Variants in ERCC6L2 observed in about 807,000 individuals in gnomAD.
ERCC6L2 encodes DNA excision repair protein ERCC-6-like 2.
In ERCC6L2, 77 loss-of-function variants were observed where a neutral mutation model predicts 132.0. The observed-to-expected ratio is 0.58, with a 90% CI of 0.49 to 0.71. ERCC6L2 has a LOEUF of 0.71. ERCC6L2 is among the 30% of genes least tolerant of loss of function. The pLI, the probability that ERCC6L2 is intolerant of heterozygous loss-of-function variation, is 0.00. For missense variants in ERCC6L2, 1,542 were observed against 1,837.6 expected, an observed-to-expected ratio of 0.84 and a Z score of 2.94; for synonymous variants, 583 against 632.4, an observed-to-expected ratio of 0.92 and a Z score of 1.17.
chr9:96,039,715 A>C (rs1355186910), intron 20 of ERCC6L2, among the ~76,000 whole-genome samples: 1 of 152,130 alleles, frequency 6.6e-6, no homozygotes, highest in Non-Finnish European at 1.5e-5. Flanking sequence ...CTGCCTGTAA[A>C]CACCCAAGAG....
intron 19 of ERCC6L2, among the ~76,000 whole-genome samples, chr9:96,034,815 T>A (rs1834501507): frequency 6.6e-6 from 1 of 151,906 alleles, no homozygotes; most frequent in South Asian, 2.1e-4. Flanking sequence ...CCCGAGCCTC[T>A]CTGTGCTCTT....
intron 17 of ERCC6L2, among the ~76,000 whole-genome samples, chr9:95,987,724 T>C (rs1833148426): frequency 6.6e-6 from 1 of 152,144 alleles, no homozygotes; most frequent in Admixed American, 6.6e-5. Context: ...ATGGTGGCCC[T>C]CTTCTCACAC....
intron 17 of ERCC6L2, among the ~76,000 whole-genome samples, chr9:95,982,970 C>T (rs7039115): frequency 0.013 from 1,907 of 152,208 alleles, 27 homozygotes; most frequent in Middle Eastern, 0.041. Context: ...GATTCATGCA[C>T]TAATGTAACT....
chr9:95,972,107 G>A lies in ERCC6L2; in HGVS notation c.2356G>A (p.Gly786Arg), dbSNP rs1423393504. ...TTCAAGTAAAGCTTCCAGCTCTCCA[G>A]GACAGCTTACCTTACTCCAGTGTGG... Reference protein sequence around the residue: ...PDSSKASSSPGQLTLLQCGFS... With the variant: ...PDSSKASSSPRQLTLLQCGFS... The change falls in exon 16 of 19, where the codon GGA (glycine) becomes AGA (arginine). Residue 786 changes from glycine (G) to arginine (R), a missense_variant. Transcript: ENST00000653738. The A allele has an allele frequency of 7.7e-7, 1 of 1,304,242 alleles. No homozygotes were observed. The highest frequency in any genetic ancestry group is 1.5e-5 in the African/African-American group (1 of 65,980). The allele number at this position is 1,304,242 out of a possible 1,614,324, so 80.8% of individuals were successfully genotyped here.
chr9:95,937,262 C>T (rs1830599205), intron 11 of ERCC6L2, among the ~76,000 whole-genome samples: 1 of 152,140 alleles, frequency 6.6e-6, no homozygotes, highest in African/African-American at 2.4e-5. Flanking sequence ...GATCAGGTTC[C>T]TCTGCATTTT....
chr9:96,006,944 A>G (rs1833882849), intron 18 of ERCC6L2, among the ~76,000 whole-genome samples: 1 of 152,214 alleles, frequency 6.6e-6, no homozygotes, highest in African/African-American at 2.4e-5. Context: ...TCTGTCCAGT[A>G]TGCACATTTT....
chr9:95,957,585 G>T (rs1434381475), intron 13 of ERCC6L2, among the ~76,000 whole-genome samples: 1 of 151,792 alleles, frequency 6.6e-6, no homozygotes, highest in East Asian at 1.9e-4. Context: ...ATTTTTTTCA[G>T]TCCATTACTA....
At chr9:95,975,819 T>C (rs1286162130) in intron 16 of ERCC6L2, among the ~76,000 whole-genome samples, 1 of 152,138 alleles carries the variant, frequency 6.6e-6, no homozygotes, top group Non-Finnish European at 1.5e-5. Flanking sequence ...TTAAGGCTTA[T>C]CTGTTGTGTT....
chr9:96,036,512 C>T (rs1019605580), intron 19 of ERCC6L2, among the ~76,000 whole-genome samples: 1 of 152,158 alleles, frequency 6.6e-6, no homozygotes, highest in African/African-American at 2.4e-5. Context: ...CGCCTGCTTG[C>T]CATGCCTTGG....
chr9:96,003,810 G>C (rs1422492323), intron 17 of ERCC6L2, among the ~76,000 whole-genome samples: 1 of 152,130 alleles, frequency 6.6e-6, no homozygotes, highest in African/African-American at 2.4e-5. Context: ...TTGTTAAATT[G>C]TATTTAGTAT....
intron 11 of ERCC6L2, among the ~76,000 whole-genome samples, chr9:95,929,807 A>G (rs543081872): frequency 2.6e-5 from 4 of 152,296 alleles, no homozygotes; most frequent in African/African-American, 9.6e-5. Flanking sequence ...CATAAAACAT[A>G]TAAGCATTCT....
At chr9:95,969,389 G>A (rs917659114) in intron 14 of ERCC6L2, among the ~76,000 whole-genome samples, 18 of 152,158 alleles carry the variant, frequency 1.2e-4, no homozygotes, top group Non-Finnish European at 2.5e-4. Context: ...AGATGATGTC[G>A]GCTTGAGCCA....
In ERCC6L2 at chr9:95,915,366, T is replaced by C. The variant is rs375212945; in HGVS notation, c.789-302T>C. ...GCAAGTTTTATTTCTTTTATATTTGTTTTTCTGGTTTGTTACTTTAAAAAA... is the reference window on the plus strand; with the variant it reads ...GCAAGTTTTATTTCTTTTATATTTGCTTTTCTGGTTTGTTACTTTAAAAAA... On this transcript the variant is annotated intron_variant, in intron 4 of 18. Transcript: ENST00000653738. Among the ~76,000 whole-genome samples the C allele has an allele frequency of 7.9e-5, 12 of 152,330 alleles. No individual in the cohort carries two copies. The East Asian group carries it at 2.3e-3, about 29-fold the overall frequency.
At chr9:95,950,399 CAAAG>C (rs774806278) in intron 12 of ERCC6L2, among the ~76,000 whole-genome samples, 23 of 151,804 alleles carry the variant, frequency 1.5e-4, no homozygotes, top group Non-Finnish European at 2.6e-4. Context: ...CAATTAAACA[CAAAG>C]GAAGGCAGTA....
chr9:95,912,893 T>C (rs1327780422), intron 4 of ERCC6L2, among the ~76,000 whole-genome samples: 2 of 152,240 alleles, frequency 1.3e-5, no homozygotes, highest in Non-Finnish European at 2.9e-5. Flanking sequence ...GCCCAAAGGC[T>C]TAAATAGATT....
intron 13 of ERCC6L2, among the ~76,000 whole-genome samples, chr9:95,962,876 G>A (rs1831976566): frequency 6.6e-6 from 1 of 152,132 alleles, no homozygotes; most frequent in South Asian, 2.1e-4. Context: ...AAATTAAGGA[G>A]CATGTGTATG....
At chr9:95,934,921 T>C (rs1284465669) in intron 11 of ERCC6L2, among the ~76,000 whole-genome samples, 3 of 152,194 alleles carry the variant, frequency 2.0e-5, no homozygotes, top group Non-Finnish European at 2.9e-5. Context: ...TTTTGTTATG[T>C]ACCCCAAGAG....
At chr9:96,032,217 G>A (rs1474922621) in intron 19 of ERCC6L2, among the ~76,000 whole-genome samples, 1 of 152,026 alleles carries the variant, frequency 6.6e-6, no homozygotes, top group Non-Finnish European at 1.5e-5. Flanking sequence ...ATCAGGGAAA[G>A]GCCAGGGACC....
In ERCC6L2 at chr9:95,972,484, T is replaced by C; in HGVS notation, c.2733T>C (p.Thr911=). The stretch of plus-strand genomic sequence containing the variant: ...TCATCTGTCCTACACAATACACAAC[T>C]GAGAGATTCCCCGACAATAGTATAA... The part of the protein sequence containing the change: ...SDVICPTQYT[T]ERFPDNSIRF... Residue 911 remains threonine, a synonymous_variant, in exon 16 of 19, where the codon ACT becomes ACC. Transcript: ENST00000653738. The C allele has an allele frequency of 1.6e-6, 2 of 1,289,742 alleles. No individual in the cohort carries two copies. The highest frequency in any genetic ancestry group is 2.5e-5 in the South Asian group (2 of 80,986). The allele number at this position is 1,289,742 out of a possible 1,614,324, so 79.9% of individuals were successfully genotyped here.
Sources: allele counts gnomAD v4.1 joint callset (sites outside exome capture counted in the v4.1 genomes callset), GRCh38; gene constraint gnomAD v4.1.1; transcripts MANE v1.5; gene names NCBI Gene and HGNC (gene_info 2026-07-23, HGNC 2026-07-21).